Variants in ABCD3 observed in about 807,000 individuals in gnomAD.
The protein encoded by ABCD3 is ATP-binding cassette sub-family D member 3.
A neutral mutation model predicts 105.5 loss-of-function variants in ABCD3; 41 were observed. That is an observed-to-expected ratio of 0.39 (90% CI 0.30 to 0.50). The LOEUF is 0.50. Ranked by LOEUF, ABCD3 falls within the 20% of genes least tolerant of loss-of-function variation. The probability of loss-of-function intolerance (pLI) is 0.84; values close to 1 mark genes in which losing one functional copy is unlikely to be tolerated. For synonymous variants in ABCD3, 258 were observed against 269.0 expected (o/e 0.96, Z 0.40); for missense variants, 622 against 806.3 (o/e 0.77, Z 2.77).
At chr1:94,467,607 A>G (rs1195549818) in intron 3 of ABCD3, among the ~76,000 whole-genome samples, 2 of 152,228 alleles carry the variant, frequency 1.3e-5, no homozygotes, top group Non-Finnish European at 2.9e-5. Context: ...TGATCTAGGT[A>G]ATCTAAGTTA....
chr1:94,486,124 G>A (rs964534604), intron 10 of ABCD3, among the ~76,000 whole-genome samples: 3 of 152,048 alleles, frequency 2.0e-5, no homozygotes, highest in Non-Finnish European at 4.4e-5. Context: ...CCCAGGAGGC[G>A]GAGGTTGCAT....
At chr1:94,399,424 C>A in the ABCD3 span, among the ~76,000 whole-genome samples, 1 of 152,188 alleles carries the variant, frequency 6.6e-6, no homozygotes, top group Non-Finnish European at 1.5e-5. Context: ...TAAGTCCTTG[C>A]CCGGCCCAGT....
intron 21 of ABCD3, chr1:94,514,044 T>G (rs1650812255): frequency 1.3e-5 from 2 of 152,062 alleles, no homozygotes; most frequent in African/African-American, 4.8e-5. Context: ...TGATCTAGAA[T>G]ATACTTATAA....
At chr1:94,494,952 A>AG (rs1649725469) in intron 16 of ABCD3, among the ~76,000 whole-genome samples, 1 of 152,120 alleles carries the variant, frequency 6.6e-6, no homozygotes, top group Admixed American at 6.5e-5. Context: ...GTGGTGGTGC[A>AG]CACCTTTGGT....
intron 1 of ABCD3, among the ~76,000 whole-genome samples, chr1:94,439,245 G>T (rs779860798): frequency 6.6e-5 from 10 of 151,998 alleles, no homozygotes; most frequent in Non-Finnish European, 1.3e-4. Flanking sequence ...ATTGTTTTCT[G>T]ACACTGAGGG....
rs80314540 is a variant in ABCD3 at position 94,436,295 on chromosome 1, A to G, written c.110+17707A>G. On this transcript the variant is annotated intron_variant, in intron 1 of 22. Coordinates refer to ENST00000370214, the MANE Select transcript of ABCD3 (RefSeq NM_002858.4). ...CTGTATCTCCTTGTATCCCAAACTG[A>G]TAATCCTGATTCTCAAAGACACAGT... Among the ~76,000 whole-genome samples, 15 of 152,356 alleles carry G rather than the reference A, an allele frequency of 9.8e-5. No individual in the cohort carries two copies. The East Asian group carries it at 2.9e-3, about 29-fold the overall frequency.
chr1:94,511,642 AT>A (rs1162755182), intron 21 of ABCD3, among the ~76,000 whole-genome samples: 2 of 152,020 alleles, frequency 1.3e-5, no homozygotes, highest in African/African-American at 4.8e-5. Flanking sequence ...TCAGATGTAG[AT>A]TTGGTCTTTT....
chr1:94,410,759 T>C, the ABCD3 span, among the ~76,000 whole-genome samples: 5 of 152,224 alleles, frequency 3.3e-5, no homozygotes, highest in Admixed American at 2.6e-4. Flanking sequence ...AGATGATTAA[T>C]AAATGGAACG....
intron 20 of ABCD3, among the ~76,000 whole-genome samples, chr1:94,502,360 A>G (rs920882866): frequency 4.6e-5 from 7 of 152,212 alleles, no homozygotes; most frequent in African/African-American, 7.2e-5. Context: ...AAGATAGGCT[A>G]TTATTTCAAT....
At chr1:94,452,539 G>A (rs1356911174) in intron 1 of ABCD3, among the ~76,000 whole-genome samples, 1 of 152,062 alleles carries the variant, frequency 6.6e-6, no homozygotes, top group Non-Finnish European at 1.5e-5. Flanking sequence ...ATGGAATTTG[G>A]ATTTTATTCT....
chr1:94,397,726 GT>G, the ABCD3 span, among the ~76,000 whole-genome samples: 26 of 152,122 alleles, frequency 1.7e-4, no homozygotes, highest in Non-Finnish European at 3.2e-4. Context: ...TTAGAAACAA[GT>G]TACTAACTTC....
Position 94,506,519 on chromosome 1 carries a change from A to C in ABCD3, c.1741-19A>C. The C allele has an allele frequency of 6.3e-7, 1 of 1,583,842 alleles. No homozygotes were observed. The highest frequency in any genetic ancestry group is 1.1e-5 in the South Asian group (1 of 90,510). ...AGGTCTGCCTGTGTTTTACACAAAA[A>C]ATTTTTTTTATGCTTCAGATGGCAA... On this transcript the variant is annotated intron_variant, in intron 20 of 22. Transcript: ENST00000370214.
intron 21 of ABCD3, 46 bp downstream of exon 21, chr1:94,506,688 A>C: frequency 7.4e-7 from 1 of 1,348,992 alleles, no homozygotes; most frequent in South Asian, 1.2e-5. Context: ...CCTCCTACCT[A>C]GTGTAAACTA....
chr1:94,502,274 A>G (rs1650133788), intron 20 of ABCD3, among the ~76,000 whole-genome samples: 1 of 152,088 alleles, frequency 6.6e-6, no homozygotes, highest in African/African-American at 2.4e-5. Context: ...TTTTAAAACT[A>G]CCAATTTTGG....
intron 16 of ABCD3, among the ~76,000 whole-genome samples, chr1:94,497,196 T>TTA (rs1389479716): frequency 6.6e-6 from 1 of 152,184 alleles, no homozygotes; most frequent in Non-Finnish European, 1.5e-5. Flanking sequence ...ACTATTTAAC[T>TTA]TATATGTTAT....
intron 1 of ABCD3, among the ~76,000 whole-genome samples, chr1:94,439,386 A>G (rs748347486): frequency 1.3e-5 from 2 of 152,036 alleles, no homozygotes; most frequent in Non-Finnish European, 2.9e-5. Flanking sequence ...TCATACCTAT[A>G]ATCCCAGCAC....
At chr1:94,407,983 G>A in the ABCD3 span, among the ~76,000 whole-genome samples, 11 of 152,204 alleles carry the variant, frequency 7.2e-5, no homozygotes, top group Non-Finnish European at 1.2e-4. Context: ...CTGATACAAC[G>A]GCAGAGCCGA....
intron 3 of ABCD3, among the ~76,000 whole-genome samples, chr1:94,467,221 C>T (rs1301769085): frequency 6.6e-6 from 1 of 152,094 alleles, no homozygotes; most frequent in Middle Eastern, 3.2e-3. Context: ...CCCATTAAAT[C>T]CTTCATCTTT....
the ABCD3 span, among the ~76,000 whole-genome samples, chr1:94,389,736 T>A: frequency 6.6e-6 from 1 of 152,140 alleles, no homozygotes; most frequent in Non-Finnish European, 1.5e-5. Flanking sequence ...GGTTAGGGTG[T>A]CCCCGACTGA....
Sources: allele counts gnomAD v4.1 joint callset (sites outside exome capture counted in the v4.1 genomes callset), GRCh38; gene constraint gnomAD v4.1.1; transcripts MANE v1.5; gene names NCBI Gene and HGNC (gene_info 2026-07-23, HGNC 2026-07-21).